The following CHUK variants were observed in gnomAD, a reference collection of about 807,000 sequenced individuals.
The protein encoded by CHUK is inhibitor of nuclear factor kappa-B kinase subunit alpha.
CHUK carries 35 observed loss-of-function variants against 104.8 expected under a neutral mutation model. That is an observed-to-expected ratio of 0.33 (90% CI 0.26 to 0.44). CHUK has a LOEUF of 0.44. Among genes scored for constraint, CHUK ranks in the 20% least tolerant of loss-of-function variants. The pLI, the probability that CHUK is intolerant of heterozygous loss-of-function variation, is 1.00. For missense variants in CHUK, 663 were observed against 902.7 expected (o/e 0.73, Z 3.40); for synonymous variants, 276 against 291.9 (o/e 0.95, Z 0.56).
chr10:100,191,416 T>A (rs1297017664), intron 19 of CHUK, among the ~76,000 whole-genome samples: 1 of 152,146 alleles, frequency 6.6e-6, no homozygotes, highest in Admixed American at 6.5e-5. Context: ...AAAAGTAAAA[T>A]CTGTTCTGTA....
Position 100,210,091 on chromosome 10 carries a change from A to ATTTATTTATTT in CHUK, c.934-303_934-302insAAATAAATAAA, listed in dbSNP as rs58570772. Reference sequence around the variant, plus strand: ...TATTTATTTATTTATTTATTTATTTATTTTTTTTTTTTTTGAGACGGAGTC... The same window carrying ATTTATTTATTT: ...TATTTATTTATTTATTTATTTATTTATTTATTTATTTTTTTTTTTTTTTTTGAGACGGAGTC... On this transcript the variant is annotated intron_variant, in intron 9 of 20. Coordinates refer to ENST00000370397, the MANE Select transcript of CHUK (RefSeq NM_001278.5). Among the ~76,000 whole-genome samples, 72 of 121,822 alleles carry ATTTATTTATTT rather than the reference A, an allele frequency of 5.9e-4. 1 individual carries two copies. The highest frequency in any genetic ancestry group is 1.9e-3 in the African/African-American group (63 of 33,272). 79.9% of individuals were successfully genotyped at this position (121,822 alleles called of 152,430 possible).
intron 12 of CHUK, 78 bp downstream of exon 12, chr10:100,204,998 T>G: frequency 6.6e-7 from 1 of 1,508,586 alleles, no homozygotes; most frequent in Non-Finnish European, 9.2e-7. Flanking sequence ...CAATATTGAT[T>G]AGTGAAAACC....
chr10:100,204,569 A>T lies in CHUK; in HGVS notation c.1444T>A (p.Phe482Ile). The T allele has an allele frequency of 1.2e-6, 2 of 1,612,962 alleles. No homozygotes were observed. The highest frequency in any genetic ancestry group is 1.7e-5 in the Admixed American group (1 of 59,950). Reference sequence around the variant, plus strand: ...TCAAGCTGAATGCTTTTGTGAAAAAACTCCAATTTAGCTTTCAGTTGTTGT... The same window carrying T: ...TCAAGCTGAATGCTTTTGTGAAAAATCTCCAATTTAGCTTTCAGTTGTTGT... ...ASQQLKAKLE[F>I]FHKSIQLDLE... Residue 482 changes from phenylalanine (F) to isoleucine (I), a missense_variant, in exon 13 of 21, where the codon TTT (phenylalanine) becomes ATT (isoleucine). By Grantham distance (21) the Phe-to-Ile change is conservative. Coordinates refer to ENST00000370397, the MANE Select transcript of CHUK (RefSeq NM_001278.5).
At chr10:100,197,117 A>G (rs570063317) in intron 16 of CHUK, among the ~76,000 whole-genome samples, 1 of 152,332 alleles carries the variant, frequency 6.6e-6, no homozygotes, top group South Asian at 2.1e-4. Flanking sequence ...GCTGTATGGT[A>G]TAGCCTTTTG....
intron 19 of CHUK, among the ~76,000 whole-genome samples, chr10:100,192,229 T>C (rs7080581): frequency 0.064 from 9,724 of 152,298 alleles, 360 homozygotes; most frequent in African/African-American, 0.1. Context: ...GTGGTGACAT[T>C]TGTAAACATT....
chr10:100,192,838 AATAG>A, intron 19 of CHUK: 1 of 647,346 alleles, frequency 1.5e-6, no homozygotes, highest in Non-Finnish European at 1.9e-6. Flanking sequence ...AAAGTTATAA[AATAG>A]ATCTCAAAAA....
intron 17 of CHUK, 33 bp downstream of exon 17, chr10:100,194,392 G>A (rs767949147): frequency 4.9e-6 from 7 of 1,441,092 alleles, no homozygotes; most frequent in South Asian, 1.1e-5. Context: ...ACGTATCCTG[G>A]TTTTTCAGTA....
At chr10:100,187,589 T>A (rs908085968), downstream of CHUK, 2 of 152,206 alleles carry the variant, frequency 1.3e-5, no homozygotes, top group Non-Finnish European at 2.9e-5. Flanking sequence ...ATGTATACAA[T>A]TCACAACTGC....
chr10:100,197,532 G>A (rs2134211692), intron 16 of CHUK, among the ~76,000 whole-genome samples: 1 of 152,246 alleles, frequency 6.6e-6, no homozygotes, highest in South Asian at 2.1e-4. Flanking sequence ...AAATACTCGT[G>A]TCTTAATTCA....
At chr10:100,194,281 C>T (rs1845273651) in intron 17 of CHUK, 144 bp downstream of exon 17, 1 of 1,072,794 alleles carries the variant, frequency 9.3e-7, no homozygotes. Flanking sequence ...CACATAAATG[C>T]AGATAGCTAT....
intron 6 of CHUK, 54 bp downstream of exon 6, chr10:100,219,216 G>A: frequency 6.5e-7 from 1 of 1,547,972 alleles, no homozygotes; most frequent in Non-Finnish European, 8.9e-7. Flanking sequence ...ATGATCTTCA[G>A]AAATAAGAGA....
chr10:100,194,335 T>C, intron 17 of CHUK, 90 bp downstream of exon 17: 1 of 1,121,030 alleles, frequency 8.9e-7, no homozygotes, highest in Non-Finnish European at 1.3e-6. Flanking sequence ...CCTGGGTAAG[T>C]ATACTTTACC....
intron 1 of CHUK, among the ~76,000 whole-genome samples, chr10:100,226,468 A>T (rs918190487): frequency 4.6e-5 from 7 of 151,942 alleles, no homozygotes; most frequent in Non-Finnish European, 1.0e-4. Context: ...AAAGCAAAAA[A>T]CTCCAATCCT....
chr10:100,196,462 C>A (rs1049624038), intron 16 of CHUK, among the ~76,000 whole-genome samples: 5 of 150,008 alleles, frequency 3.3e-5, no homozygotes, highest in Non-Finnish European at 7.4e-5. Flanking sequence ...TCTTGGCTCA[C>A]TGCAGCCTCG....
intron 10 of CHUK, 24 bp downstream of exon 10, chr10:100,209,571 G>C: frequency 7.1e-7 from 1 of 1,407,886 alleles, no homozygotes; most frequent in Admixed American, 1.7e-5. Context: ...CATACTCTAG[G>C]GATATTATAA....
In CHUK at chr10:100,213,103, C is replaced by T. The variant is rs11818076; in HGVS notation, c.934-3314G>A. On this transcript the variant is annotated intron_variant, in intron 9 of 20. Transcript: ENST00000370397. ...AATTATGTTTTAGCTGATGGATATG[C>T]TAATTACCCTAATCTGATCACTACA... Among the ~76,000 whole-genome samples, 1,495 of 152,082 alleles carry T rather than the reference C, an allele frequency of 9.8e-3. 25 individuals are homozygous for T. Among genetic ancestry groups the T allele is most frequent in the African/African-American group, 0.035 (1,439 of 41,478 alleles).
At position 100,209,577 on chromosome 10, in the gene CHUK, T is replaced by A. The variant is rs1845673284; in HGVS notation, c.1128+18A>T. 6.8e-7 allele frequency: 1 copy of A among 1,476,172 alleles called. No individual in the cohort carries two copies. Among genetic ancestry groups the A allele is most frequent in the Non-Finnish European group, 9.5e-7 (1 of 1,054,552 alleles). The allele number at this position is 1,476,172 out of a possible 1,614,324, so 91.4% of individuals were successfully genotyped here. A position where few individuals can be genotyped will look rare whatever the true frequency, so the allele number is the denominator to read the frequency against. On this transcript the variant is annotated intron_variant, in intron 10 of 20. Transcript: ENST00000370397. ...TAGATTTCACATACTCTAGGGATAT[T>A]ATAATTAATTTTCTTACAACTCCAT...
At chr10:100,215,201 T>G in intron 9 of CHUK, among the ~76,000 whole-genome samples, 3 of 121,002 alleles carry the variant, frequency 2.5e-5, no homozygotes, top group East Asian at 2.3e-4. Flanking sequence ...TGAGACAGAG[T>G]GAGGCTCCAT....
Position 100,193,344 on chromosome 10 carries a change from C to A in CHUK, c.2062G>T (p.Ala688Ser). 1 of 1,614,104 alleles carries A rather than the reference C, an allele frequency of 6.2e-7. No homozygotes were observed. Among genetic ancestry groups the A allele is most frequent in the Non-Finnish European group, 8.5e-7 (1 of 1,179,968 alleles). The change falls in exon 19 of 21, where the codon GCA becomes TCA. Residue 688 changes from alanine (A) to serine (S), a missense_variant. Coordinates refer to ENST00000370397, the MANE Select transcript of CHUK (RefSeq NM_001278.5). ...QTSAWLPPTS[A>S]EHDHSLSCVV... is the part of the protein sequence containing the mutation. The stretch of plus-strand genomic sequence containing the variant: ...CATGACAGAGAATGATCATGTTCTG[C>A]TGAAGTCGGGGGCAGCCATGCTGAT...
Sources: allele counts gnomAD v4.1 joint callset (sites outside exome capture counted in the v4.1 genomes callset), GRCh38; gene constraint gnomAD v4.1.1; transcripts MANE v1.5; gene names NCBI Gene and HGNC (gene_info 2026-07-23, HGNC 2026-07-21).